Variants in MACROD2 observed in about 807,000 individuals in gnomAD.
MACROD2 encodes the protein mono-ADP ribosylhydrolase 2.
Under a neutral mutation model 70.4 loss-of-function variants are expected in MACROD2, and 36 were observed. The ratio of observed to expected loss-of-function variants is 0.51; its 90% CI spans 0.39 to 0.68. The LOEUF (loss-of-function observed/expected upper bound fraction) is 0.68. MACROD2 is among the 30% of genes least tolerant of loss of function. The pLI, the probability that MACROD2 is intolerant of heterozygous loss-of-function variation, is 0.00. For synonymous variants in MACROD2, 172 were observed against 178.8 expected (o/e 0.96, Z 0.30); for missense variants, 496 against 538.4 (o/e 0.92, Z 0.78).
chr20:15,708,456 G>A (rs533157467), intron 8 of MACROD2, among the ~76,000 whole-genome samples: 2 of 152,068 alleles, frequency 1.3e-5, no homozygotes, highest in African/African-American at 4.8e-5. Context: ...AGCATCCTGG[G>A]AAGTGGGGAC....
At chr20:15,439,781 G>A (rs537656033) in intron 7 of MACROD2, among the ~76,000 whole-genome samples, 235 of 152,214 alleles carry the variant, frequency 1.5e-3, no homozygotes, top group African/African-American at 5.4e-3. Flanking sequence ...GTTCCACAGG[G>A]CACCAGACCA....
At chr20:14,180,215 A>G (rs1297934327) in intron 3 of MACROD2, among the ~76,000 whole-genome samples, 1 of 148,972 alleles carries the variant, frequency 6.7e-6, no homozygotes, top group South Asian at 2.1e-4. Flanking sequence ...AGCGAGGGAG[A>G]AAAAAAAAAG....
At chr20:15,821,808 G>C (rs948681294) in intron 8 of MACROD2, among the ~76,000 whole-genome samples, 1 of 152,174 alleles carries the variant, frequency 6.6e-6, no homozygotes, top group Non-Finnish European at 1.5e-5. Context: ...TTTTTAATAA[G>C]AGGATGGAGC....
At chr20:14,125,226 G>T (rs1288386845) in intron 3 of MACROD2, among the ~76,000 whole-genome samples, 1 of 152,090 alleles carries the variant, frequency 6.6e-6, no homozygotes, top group Non-Finnish European at 1.5e-5. Context: ...CTAGATAAAG[G>T]TGGTGGTTGC....
chr20:15,121,798 A>G (rs2076033021), intron 5 of MACROD2, among the ~76,000 whole-genome samples: 1 of 152,180 alleles, frequency 6.6e-6, no homozygotes, highest in East Asian at 1.9e-4. Context: ...CAAAAGAGAA[A>G]AGAAATGAGG....
intron 8 of MACROD2, among the ~76,000 whole-genome samples, chr20:15,824,264 C>T (rs147743396): frequency 1.2e-3 from 187 of 151,378 alleles, no homozygotes; most frequent in African/African-American, 4.2e-3. Flanking sequence ...TCTCTGTGTG[C>T]GTGTGTGTGT....
intron 8 of MACROD2, among the ~76,000 whole-genome samples, chr20:15,672,551 A>G (rs1379190795): frequency 6.6e-6 from 1 of 152,064 alleles, no homozygotes; most frequent in African/African-American, 2.4e-5. Context: ...TTCTCACTCC[A>G]GGTTCTTCAG....
intron 5 of MACROD2, among the ~76,000 whole-genome samples, chr20:15,221,626 A>C (rs2076862391): frequency 6.6e-6 from 1 of 152,234 alleles, no homozygotes; most frequent in African/African-American, 2.4e-5. Flanking sequence ...GGTCAGTCTC[A>C]AATAGATTTG....
chr20:15,696,028 C>A (rs1056750898), intron 8 of MACROD2, among the ~76,000 whole-genome samples: 6 of 152,108 alleles, frequency 3.9e-5, no homozygotes, highest in African/African-American at 4.8e-5. Context: ...TTTGGATGCC[C>A]CTTATTTCTT....
intron 5 of MACROD2, among the ~76,000 whole-genome samples, chr20:15,055,051 G>A (rs1218315571): frequency 2.7e-5 from 4 of 148,806 alleles, no homozygotes. Context: ...CTGGGTTCAA[G>A]TGATTCTCCT....
In MACROD2 at chr20:15,038,909, G is replaced by A. The variant is rs1262547256; in HGVS notation, c.419-191031G>A. On this transcript the variant is annotated intron_variant, in intron 5 of 17. Transcript: ENST00000684519. ...GTGATTTAGTCACACAAATATACCG[G>A]CAAAGAATGTCAAGTGTTAATCAAA... Among the ~76,000 whole-genome samples, 4 of 152,136 alleles carry A rather than the reference G, an allele frequency of 2.6e-5. No homozygotes were observed. The South Asian group carries it at 6.2e-4, about 24-fold the overall frequency.
chr20:16,018,295 TG>T (rs1222474023), intron 15 of MACROD2, among the ~76,000 whole-genome samples: 1 of 152,118 alleles, frequency 6.6e-6, no homozygotes, highest in Non-Finnish European at 1.5e-5. Context: ...GCCAACCTTC[TG>T]GTGCTAGAAA....
chr20:14,243,106 C>T (rs954770266), intron 3 of MACROD2, among the ~76,000 whole-genome samples: 2 of 152,136 alleles, frequency 1.3e-5, no homozygotes, highest in African/African-American at 4.8e-5. Flanking sequence ...TTGAGGACTC[C>T]CCTTTACCTC....
Position 15,122,301 on chromosome 20 carries a change from C to T in MACROD2, c.419-107639C>T, listed in dbSNP as rs1461233376. Among the ~76,000 whole-genome samples the T allele has an allele frequency of 1.3e-5, 2 of 152,142 alleles. 1 individual carries two copies. The highest frequency in any genetic ancestry group is 2.9e-5 in the Non-Finnish European group (2 of 68,028). ...TTGCTATTTGTTTGAAGGCACATTC[C>T]ACCATTATTGGTGCCCTCACTAGCA... On this transcript the variant is annotated intron_variant, in intron 5 of 17. Transcript: ENST00000684519.
At chr20:14,441,901 A>G (rs998149856) in intron 3 of MACROD2, among the ~76,000 whole-genome samples, 2 of 151,644 alleles carry the variant, frequency 1.3e-5, no homozygotes, top group South Asian at 2.1e-4. Context: ...TTCTAAAAAC[A>G]CTAGCTAGAC....
chr20:14,495,513 C>T (rs1474332991), intron 4 of MACROD2, among the ~76,000 whole-genome samples: 1 of 152,126 alleles, frequency 6.6e-6, no homozygotes, highest in South Asian at 2.1e-4. Context: ...ATGCACTCAT[C>T]AGAAAAAATT....
At chr20:14,515,463 A>ACACACACACACGCACG (rs34190778) in intron 4 of MACROD2, among the ~76,000 whole-genome samples, 1 of 138,822 alleles carries the variant, frequency 7.2e-6, no homozygotes, top group African/African-American at 2.9e-5. Context: ...ATACACACAC[A>ACACACACACACGCACG]CGCACACACA....
intron 3 of MACROD2, among the ~76,000 whole-genome samples, chr20:14,461,324 T>G (rs2084368649): frequency 6.6e-6 from 1 of 152,040 alleles, no homozygotes; most frequent in Non-Finnish European, 1.5e-5. Context: ...CTTTTCTTCT[T>G]TAACAGTCTG....
chr20:15,760,441 T>C (rs1271405083), intron 8 of MACROD2, among the ~76,000 whole-genome samples: 1 of 152,194 alleles, frequency 6.6e-6, no homozygotes, highest in Non-Finnish European at 1.5e-5. Context: ...GCACCTGCCT[T>C]TCCAGCCCAG....
Sources: allele counts gnomAD v4.1 joint callset (sites outside exome capture counted in the v4.1 genomes callset), GRCh38; gene constraint gnomAD v4.1.1; transcripts MANE v1.5; gene names NCBI Gene and HGNC (gene_info 2026-07-23, HGNC 2026-07-21).